The following SH3RF2 variants were observed in gnomAD, a reference collection of about 807,000 sequenced individuals.
SH3RF2 encodes SH3 domain containing ring finger 2, also known as E3 ubiquitin-protein ligase SH3RF2.
A neutral mutation model predicts 59.0 loss-of-function variants in SH3RF2; 43 were observed. The ratio of observed to expected loss-of-function variants is 0.73; its 90% CI spans 0.57 to 0.94. The LOEUF is 0.94. Among genes scored for constraint, SH3RF2 ranks in the 40% least tolerant of loss-of-function variants. The pLI, the probability that SH3RF2 is intolerant of heterozygous loss-of-function variation, is 0.00. For synonymous variants in SH3RF2, 391 were observed against 391.5 expected (o/e 1.00, Z 0.01); for missense variants, 930 against 940.1 (o/e 0.99, Z 0.14).
At chr5:146,019,854 TA>T (rs1378955891) in intron 5 of SH3RF2, among the ~76,000 whole-genome samples, 1 of 152,144 alleles carries the variant, frequency 6.6e-6, no homozygotes, top group African/African-American at 2.4e-5. Flanking sequence ...ATTTTTAAAT[TA>T]TTTTTTTAAT....
At chr5:146,053,930 C>G (rs753943495) in intron 7 of SH3RF2, among the ~76,000 whole-genome samples, 72 of 152,222 alleles carry the variant, frequency 4.7e-4, no homozygotes, top group African/African-American at 1.7e-3. Context: ...TTGTGATGCC[C>G]TTTTTGAATA....
rs768966485 is a variant in SH3RF2 at position 145,937,811 on chromosome 5, T to A, written c.-106-12T>A. On this transcript the variant is annotated splice_polypyrimidine_tract_variant and intron_variant, in intron 1 of 9. Coordinates refer to ENST00000359120, the MANE Select transcript of SH3RF2 (RefSeq NM_152550.4). ...CACATTTTTTTTTCTCTCCTCTCCC[T>A]CCTTCAAGCAGGCAAAAATTCTGAC... The A allele has an allele frequency of 8.0e-6, 10 of 1,256,010 alleles. No individual in the cohort carries two copies. Among genetic ancestry groups the A allele is most frequent in the Non-Finnish European group, 1.1e-5 (10 of 910,568 alleles). The allele number at this position is 1,256,010 out of a possible 1,614,324, so 77.8% of individuals were successfully genotyped here.
chr5:145,974,982 C>T (rs781217380), intron 2 of SH3RF2, among the ~76,000 whole-genome samples: 1 of 152,226 alleles, frequency 6.6e-6, no homozygotes, highest in Non-Finnish European at 1.5e-5. Context: ...AGATGAGTCT[C>T]ATGTGTCTGA....
chr5:146,004,675 GGAGAA>G (rs1760565141), intron 4 of SH3RF2, among the ~76,000 whole-genome samples: 1 of 30,134 alleles, frequency 3.3e-5, no homozygotes. Flanking sequence ...TAATATTTAT[GGAGAA>G]TAATATGGAG....
rs140064755 is a variant in SH3RF2, at chr5:145,976,121, C to A, written c.379-23937C>A. On this transcript the variant is annotated intron_variant, in intron 2 of 9. Coordinates refer to ENST00000359120, the MANE Select transcript of SH3RF2 (RefSeq NM_152550.4). Reference sequence around the variant, plus strand: ...ATCGACTTAGAATATTGAACAACTACAATAGAGAAGCCACTTCACATAATG... The same window carrying A: ...ATCGACTTAGAATATTGAACAACTAAAATAGAGAAGCCACTTCACATAATG... 3.2e-3 allele frequency among the ~76,000 whole-genome samples: 490 copies of A among 152,180 alleles called. 3 individuals are homozygous for A. Among genetic ancestry groups the A allele is most frequent in the African/African-American group, 0.011 (470 of 41,492 alleles).
intron 2 of SH3RF2, among the ~76,000 whole-genome samples, chr5:145,983,726 C>A (rs1759594174): frequency 6.6e-6 from 1 of 152,146 alleles, no homozygotes; most frequent in Non-Finnish European, 1.5e-5. Context: ...TGTCACTCAT[C>A]ATGGTTGCCT....
chr5:146,049,140 G>A lies in SH3RF2; in HGVS notation c.1217G>A (p.Gly406Asp). The A allele has an allele frequency of 6.2e-7, 1 of 1,614,112 alleles. No individual in the cohort carries two copies. ...GAGCTGGACCTGCAAAAGGGAGAAG[G>A]CGTCAGGGTCCTGGGGAAGTGCCAG... ...PDELDLQKGE[G>D]VRVLGKCQDG... Residue 406 changes from glycine to aspartate, a missense_variant, in exon 7 of 10, where the codon GGC becomes GAC. Physicochemically the swap from Gly to Asp is moderately conservative, Grantham distance 94 (BLOSUM62 -1). Coordinates refer to ENST00000359120, the MANE Select transcript of SH3RF2 (RefSeq NM_152550.4).
chr5:145,983,109 G>C (rs1018912952), intron 2 of SH3RF2, among the ~76,000 whole-genome samples: 1 of 152,178 alleles, frequency 6.6e-6, no homozygotes, highest in Non-Finnish European at 1.5e-5. Context: ...ATGTAGTGGT[G>C]TTTTGGAGCC....
intron 5 of SH3RF2, among the ~76,000 whole-genome samples, chr5:146,023,123 T>C (rs1761392296): frequency 6.6e-6 from 1 of 152,182 alleles, no homozygotes; most frequent in African/African-American, 2.4e-5. Flanking sequence ...ACTTGCCCTT[T>C]TGAATTTTCC....
intron 5 of SH3RF2, among the ~76,000 whole-genome samples, chr5:146,036,469 T>C (rs973191713): frequency 1.3e-5 from 2 of 151,046 alleles, no homozygotes; most frequent in Admixed American, 6.6e-5. Context: ...CTGAGGCGGG[T>C]GGATCACTTG....
At chr5:145,950,201 C>A (rs1758141798) in intron 2 of SH3RF2, among the ~76,000 whole-genome samples, 1 of 152,154 alleles carries the variant, frequency 6.6e-6, no homozygotes, top group South Asian at 2.1e-4. Context: ...TGGTATTTTC[C>A]CACTTTACAG....
At position 146,056,310 on chromosome 5, in the gene SH3RF2, GC is replaced by G; in HGVS notation, c.1555+98del. 3 of 1,558,060 alleles carry G rather than the reference GC, an allele frequency of 1.9e-6. No individual in the cohort carries two copies. In the East Asian group the frequency reaches 6.9e-5, roughly 36 times the overall value. The stretch of plus-strand genomic sequence containing the variant: ...TGCTTTTTGCAAAAACAGGATCTTG[GC>G]TTTAAACTAAGCCCCTGCAAAGGGT... On this transcript the variant is annotated intron_variant, in intron 8 of 9. Coordinates refer to ENST00000359120, the MANE Select transcript of SH3RF2 (RefSeq NM_152550.4).
At chr5:145,993,002 A>C (rs1250636785) in intron 2 of SH3RF2, among the ~76,000 whole-genome samples, 1 of 152,172 alleles carries the variant, frequency 6.6e-6, no homozygotes, top group East Asian at 1.9e-4. Context: ...TGTAAAATCA[A>C]AAGCAGGTTA....
chr5:146,037,993 G>A (rs979367388), intron 5 of SH3RF2, among the ~76,000 whole-genome samples: 21 of 152,084 alleles, frequency 1.4e-4, no homozygotes, highest in African/African-American at 5.1e-4. Context: ...ATCAAGTTGG[G>A]TTTTTCTCCA....
chr5:146,045,900 C>G (rs1165707679), intron 5 of SH3RF2, among the ~76,000 whole-genome samples: 1 of 152,188 alleles, frequency 6.6e-6, no homozygotes, highest in Non-Finnish European at 1.5e-5. Flanking sequence ...TAGGAATTGC[C>G]AGACTGTTCT....
intron 2 of SH3RF2, among the ~76,000 whole-genome samples, chr5:145,966,530 T>G (rs1193645185): frequency 6.6e-6 from 1 of 152,242 alleles, no homozygotes; most frequent in Non-Finnish European, 1.5e-5. Flanking sequence ...AAAAACTCAC[T>G]TCTTTTCTGT....
Position 146,047,875 on chromosome 5 carries a change from G to A in SH3RF2, c.1151+12G>A. On this transcript the variant is annotated intron_variant, in intron 6 of 9. Transcript: ENST00000359120. ...CTCTCAGCGAACATGTGAGTAAAAG[G>A]CTCATCCCTTCACCCAAGTCCTGGC... 3 of 1,613,142 alleles carry A rather than the reference G, an allele frequency of 1.9e-6. No individual in the cohort carries two copies. The highest frequency in any genetic ancestry group is 2.5e-6 in the Non-Finnish European group (3 of 1,179,496).
At chr5:146,034,165 C>T (rs1050566923) in intron 5 of SH3RF2, among the ~76,000 whole-genome samples, 3 of 152,250 alleles carry the variant, frequency 2.0e-5, no homozygotes, top group Non-Finnish European at 4.4e-5. Context: ...AATATCAGGA[C>T]ATCTGGAAAC....
chr5:146,066,127 C>T (rs1763098055), downstream of SH3RF2, among the ~76,000 whole-genome samples: 1 of 152,222 alleles, frequency 6.6e-6, no homozygotes, highest in South Asian at 2.1e-4. Flanking sequence ...AGCAAGGACA[C>T]AGTCTCAAAC....
Sources: allele counts gnomAD v4.1 joint callset (sites outside exome capture counted in the v4.1 genomes callset), GRCh38; gene constraint gnomAD v4.1.1; transcripts MANE v1.5; gene names NCBI Gene and HGNC (gene_info 2026-07-23, HGNC 2026-07-21).